The following VDR variants were observed in gnomAD, a reference collection of about 807,000 sequenced individuals.
The protein encoded by VDR is vitamin D3 receptor.
A neutral mutation model predicts 39.7 loss-of-function variants in VDR; 19 were observed. That is an observed-to-expected ratio of 0.48 (90% CI 0.33 to 0.70). VDR has a LOEUF of 0.70. Ranked by LOEUF, VDR falls within the 30% of genes least tolerant of loss-of-function variation. The pLI, the probability that VDR is intolerant of heterozygous loss-of-function variation, is 0.02. For synonymous variants in VDR, 242 were observed against 215.8 expected, an observed-to-expected ratio of 1.12 and a Z score of -1.07; for missense variants, 442 against 570.5, an observed-to-expected ratio of 0.77 and a Z score of 2.29.
rs540484068 is a variant in VDR, at chr12:47,876,730, G to A, written c.146+2238C>T. ...TCACACTCAGCCTGGGGCATGACAG[G>A]ACCTGTCCTCTCTCCACCCAGATGC... On this transcript the variant is annotated intron_variant, in intron 3 of 9. Transcript: ENST00000549336. Among the ~76,000 whole-genome samples the A allele has an allele frequency of 2.0e-5, 3 of 152,316 alleles. No individual in the cohort carries two copies. The South Asian group carries it at 6.2e-4, about 32-fold the overall frequency.
At position 47,889,804 on chromosome 12, in the gene VDR, T is replaced by C. The variant is rs73293289; in HGVS notation, c.-83-7030A>G. ...TGCAGCTGATGGCTAAATGGGATTT[T>C]CTCTGAAAACAAAAACAAAAACAAA... On this transcript the variant is annotated intron_variant, in intron 1 of 9. Coordinates refer to ENST00000549336, the MANE Select transcript of VDR (RefSeq NM_000376.3). Among the ~76,000 whole-genome samples the C allele has an allele frequency of 1.2e-3, 189 of 152,224 alleles. 2 individuals are homozygous for C. Among genetic ancestry groups the C allele is most frequent in the African/African-American group, 4.2e-3 (173 of 41,532 alleles).
In VDR at chr12:47,858,776, G is replaced by A. The variant is rs11574081; in HGVS notation, c.278-1088C>T. On this transcript the variant is annotated intron_variant, in intron 4 of 9. Transcript: ENST00000549336. ...CACAGAACTGGGGAGTTTCACAAGA[G>A]CAGAGAAAGGAACCAGAAGCCCAGG... 6.7e-3 allele frequency among the ~76,000 whole-genome samples: 1,014 copies of A among 152,370 alleles called. 15 individuals are homozygous for A. The highest frequency in any genetic ancestry group is 0.023 in the African/African-American group (954 of 41,590).
intron 1 of VDR, chr12:47,904,498 G>C (rs947188109): frequency 3.6e-6 from 2 of 558,586 alleles, no homozygotes; most frequent in African/African-American, 3.2e-5. Context: ...TTACTTAAAA[G>C]ACCCAACTCC....
At chr12:47,894,608 A>G (rs1356187365) in intron 1 of VDR, among the ~76,000 whole-genome samples, 1 of 152,208 alleles carries the variant, frequency 6.6e-6, no homozygotes, top group Non-Finnish European at 1.5e-5. Flanking sequence ...GACCTGAAAA[A>G]TAATTCTGCA....
chr12:47,881,174 A>G (rs1362999406), intron 2 of VDR, among the ~76,000 whole-genome samples: 1 of 151,820 alleles, frequency 6.6e-6, no homozygotes, highest in African/African-American at 2.4e-5. Flanking sequence ...TTACACACAT[A>G]CACTGTCCTT....
At position 47,844,072 on chromosome 12, in the gene VDR, A is replaced by G. The variant is rs879865761; in HGVS notation, c.*674T>C. On this transcript the variant is annotated 3_prime_UTR_variant, in exon 10 of 10. Coordinates refer to ENST00000549336, the MANE Select transcript of VDR (RefSeq NM_000376.3). ...CAACCCCTTAGACCCAGGGCGAGGA[A>G]CTGTGAGCTTGGTGACAGGGACAGC... 1 of 155,480 alleles carries G rather than the reference A, an allele frequency of 6.4e-6. No individual in the cohort carries two copies. The highest frequency in any genetic ancestry group is 2.4e-5 in the African/African-American group (1 of 41,412). The allele number at this position is 155,480 out of a possible 1,614,324, so 9.6% of individuals were successfully genotyped here.
At chr12:47,881,340 T>C (rs1404228618) in intron 2 of VDR, among the ~76,000 whole-genome samples, 1 of 152,120 alleles carries the variant, frequency 6.6e-6, no homozygotes, top group East Asian at 1.9e-4. Context: ...ACACTGGGAA[T>C]ACAAGTGGAC....
intron 2 of VDR, among the ~76,000 whole-genome samples, chr12:47,879,767 C>A (rs553012990): frequency 1.3e-5 from 2 of 152,338 alleles, no homozygotes; most frequent in East Asian, 1.9e-4. Flanking sequence ...TATTTCCCCC[C>A]CCTTTTTTTG....
intron 7 of VDR, among the ~76,000 whole-genome samples, chr12:47,850,166 T>C (rs2137130159): frequency 6.6e-6 from 1 of 152,312 alleles, no homozygotes; most frequent in Admixed American, 6.5e-5. Context: ...CCTGTCTTTT[T>C]TCTATGCAAA....
intron 7 of VDR, among the ~76,000 whole-genome samples, chr12:47,853,743 G>A (rs560604160): frequency 2.0e-3 from 308 of 152,084 alleles, no homozygotes; most frequent in African/African-American, 7.3e-3. Flanking sequence ...CAACAAGAGG[G>A]AAACTCTGTC....
intron 9 of VDR, among the ~76,000 whole-genome samples, chr12:47,845,623 A>G (rs1025413036): frequency 1.3e-5 from 2 of 152,202 alleles, no homozygotes; most frequent in South Asian, 4.1e-4. Context: ...AGTACCTAGC[A>G]TAGTGCCTGG....
At chr12:47,846,102 T>TC (rs1217926587) in intron 9 of VDR, among the ~76,000 whole-genome samples, 2 of 151,768 alleles carry the variant, frequency 1.3e-5, no homozygotes, top group Admixed American at 1.3e-4. Context: ...TTCCTCAGAA[T>TC]CCCCCCTACG....
chr12:47,853,081 A>G (rs1174100022), intron 7 of VDR, among the ~76,000 whole-genome samples: 4 of 152,248 alleles, frequency 2.6e-5, no homozygotes, highest in African/African-American at 9.6e-5. Flanking sequence ...TTGGGGAAGA[A>G]TGAAGATACA....
In VDR at chr12:47,842,300, C is replaced by T. The variant is rs146017596; in HGVS notation, c.*2446G>A. ...TCTGATGGGTTGGTGGAGTTACAAG[C>T]CAGGGAAGGAAGGAAAGGGTCCCAG... is the stretch of plus-strand genomic sequence containing the variant. On this transcript the variant is annotated 3_prime_UTR_variant, in exon 10 of 10. Transcript: ENST00000549336. The T allele has an allele frequency of 1.5e-3, 222 of 152,416 alleles. No individual in the cohort carries two copies. The highest frequency in any genetic ancestry group is 2.2e-3 in the Non-Finnish European group (147 of 68,032). 9.4% of individuals were successfully genotyped at this position (152,416 alleles called of 1,614,324 possible).
intron 2 of VDR, among the ~76,000 whole-genome samples, chr12:47,880,006 C>G (rs946277339): frequency 2.0e-5 from 3 of 152,144 alleles, no homozygotes; most frequent in African/African-American, 7.2e-5. Context: ...ACTGGGCCCC[C>G]AGCTTTGTCT....
At chr12:47,875,959 C>T (rs905242488) in intron 3 of VDR, among the ~76,000 whole-genome samples, 1 of 152,166 alleles carries the variant, frequency 6.6e-6, no homozygotes, top group Non-Finnish European at 1.5e-5. Context: ...CTTAGGAACA[C>T]CAGACAGCAG....
chr12:47,866,308 T>C (rs1464610578), intron 3 of VDR, among the ~76,000 whole-genome samples: 1 of 139,394 alleles, frequency 7.2e-6, no homozygotes, highest in Non-Finnish European at 1.6e-5. Context: ...GGGGTTTCAC[T>C]GTGGTCTCGA....
chr12:47,891,171 G>T (rs1435316372), intron 1 of VDR, among the ~76,000 whole-genome samples: 1 of 152,160 alleles, frequency 6.6e-6, no homozygotes, highest in Non-Finnish European at 1.5e-5. Flanking sequence ...AGCTACCTGG[G>T]CCAGCCTGAT....
intron 7 of VDR, among the ~76,000 whole-genome samples, chr12:47,847,561 T>C (rs1377933347): frequency 2.0e-5 from 3 of 152,052 alleles, no homozygotes; most frequent in Non-Finnish European, 4.4e-5. Flanking sequence ...TCAGATGCTG[T>C]GTGTTCTCAC....
Sources: allele counts gnomAD v4.1 joint callset (sites outside exome capture counted in the v4.1 genomes callset), GRCh38; gene constraint gnomAD v4.1.1; transcripts MANE v1.5; gene names NCBI Gene and HGNC (gene_info 2026-07-23, HGNC 2026-07-21).